The following ROBO2 variants were observed in gnomAD, a reference collection of about 807,000 sequenced individuals.
ROBO2 encodes the protein roundabout homolog 2.
ROBO2 carries 53 observed loss-of-function variants against 160.8 expected under a neutral mutation model. That is an observed-to-expected ratio of 0.33 (90% CI 0.26 to 0.41). The LOEUF (loss-of-function observed/expected upper bound fraction) is 0.41, where lower values mean the gene tolerates loss of function less well. Ranked by LOEUF, ROBO2 falls within the 10% of genes least tolerant of loss-of-function variation. The pLI is 1.00. For synonymous variants in ROBO2, 664 were observed against 611.7 expected (o/e 1.09, Z -1.26); for missense variants, 1,577 against 1,722.4 (o/e 0.92, Z 1.49).
chr3:77,193,540 T>C (rs531612956), intron 2 of ROBO2, among the ~76,000 whole-genome samples: 7 of 151,896 alleles, frequency 4.6e-5, no homozygotes, highest in Non-Finnish European at 1.0e-4. Flanking sequence ...CAGATAACTT[T>C]TGATGAATGT....
intron 2 of ROBO2, among the ~76,000 whole-genome samples, chr3:77,289,089 G>A (rs1157549789): frequency 9.2e-5 from 14 of 152,116 alleles, no homozygotes. Context: ...TCATATACAG[G>A]CACTTGATAT....
At chr3:75,947,403 G>T (rs989372660) in intron 2 of ROBO2, among the ~76,000 whole-genome samples, 63 of 152,022 alleles carry the variant, frequency 4.1e-4, no homozygotes, top group Non-Finnish European at 4.4e-5. Flanking sequence ...GCCTGTTTTT[G>T]TATGGCTCAT....
intron 21 of ROBO2, among the ~76,000 whole-genome samples, chr3:77,613,395 C>T (rs994419498): frequency 1.5e-4 from 23 of 151,874 alleles, no homozygotes; most frequent in African/African-American, 4.4e-4. Context: ...TCCTTGGCAA[C>T]GAACGAGTGT....
chr3:77,416,903 TG>T (rs2077278657), intron 2 of ROBO2, among the ~76,000 whole-genome samples: 1 of 152,120 alleles, frequency 6.6e-6, no homozygotes, highest in East Asian at 1.9e-4. Flanking sequence ...AGTTACATTT[TG>T]ATTTCATTTG....
intron 1 of ROBO2, among the ~76,000 whole-genome samples, chr3:77,052,292 A>G (rs574027527): frequency 9.9e-5 from 15 of 152,202 alleles, no homozygotes; most frequent in African/African-American, 3.6e-4. Flanking sequence ...TCTTTCAGCC[A>G]TTATCTATAA....
intron 2 of ROBO2, among the ~76,000 whole-genome samples, chr3:77,407,782 C>G (rs2076373278): frequency 6.6e-6 from 1 of 152,116 alleles, no homozygotes; most frequent in Admixed American, 6.5e-5. Context: ...TTAAAGTTGC[C>G]TTATTCATTT....
intron 2 of ROBO2, among the ~76,000 whole-genome samples, chr3:77,143,044 A>G (rs1258325117): frequency 6.6e-6 from 1 of 152,144 alleles, no homozygotes; most frequent in Admixed American, 6.6e-5. Context: ...CAGCAAATCC[A>G]GATTTGAATA....
intron 2 of ROBO2, among the ~76,000 whole-genome samples, chr3:76,873,714 C>T (rs898556012): frequency 1.3e-5 from 2 of 152,172 alleles, no homozygotes; most frequent in African/African-American, 4.8e-5. Context: ...TGCAGGCACT[C>T]TCTAACCTGC....
chr3:76,772,135 T>C (rs914700300), intron 2 of ROBO2, among the ~76,000 whole-genome samples: 1 of 151,290 alleles, frequency 6.6e-6, no homozygotes, highest in Admixed American at 6.6e-5. Flanking sequence ...CCCCACGGCA[T>C]GTGGGCTTTG....
At chr3:76,689,535 A>T in intron 2 of ROBO2, among the ~76,000 whole-genome samples, 1 of 152,232 alleles carries the variant, frequency 6.6e-6, no homozygotes. Context: ...ATTATTGTTA[A>T]TTATAATTTC....
chr3:76,890,075 C>T (rs960344271), intron 2 of ROBO2, among the ~76,000 whole-genome samples: 3 of 152,082 alleles, frequency 2.0e-5, no homozygotes, highest in African/African-American at 7.2e-5. Context: ...GAAGTCATTT[C>T]AGGATTCTGA....
At position 77,041,188 on chromosome 3, in the gene ROBO2, T is replaced by C. The variant is rs565897443; in HGVS notation, c.61+342T>C. ...GAGCCTAATACTATTGTGCCTGCTC[T>C]CTATTTGATGTTTGCTCTTGTGTCT... On this transcript the variant is annotated intron_variant, in intron 1 of 25. Transcript: ENST00000461745. Among the ~76,000 whole-genome samples the C allele has an allele frequency of 4.6e-5, 7 of 152,374 alleles. No homozygotes were observed. In the South Asian group the frequency reaches 1.4e-3, roughly 32 times the overall value.
chr3:76,576,701 C>CTTTTTTTTTTTTTTT (rs56404865), intron 2 of ROBO2, among the ~76,000 whole-genome samples: 1 of 62,392 alleles, frequency 1.6e-5, no homozygotes, highest in Non-Finnish European at 2.9e-5. Flanking sequence ...CATTTTCTTT[C>CTTTTTTTTTTTTTTT]TTTTTTTTTT....
chr3:77,283,412 C>G (rs1357917746), intron 2 of ROBO2, among the ~76,000 whole-genome samples: 1 of 152,052 alleles, frequency 6.6e-6, no homozygotes, highest in Non-Finnish European at 1.5e-5. Flanking sequence ...TTAAAAATAA[C>G]CTGGATTCTA....
chr3:76,056,564 G>A (rs1313540436), intron 2 of ROBO2, among the ~76,000 whole-genome samples: 2 of 151,816 alleles, frequency 1.3e-5, no homozygotes, highest in Non-Finnish European at 2.9e-5. Context: ...GTTTATAGAG[G>A]AGTTTACAAA....
chr3:76,103,058 C>T (rs2069767635), intron 2 of ROBO2, among the ~76,000 whole-genome samples: 1 of 151,938 alleles, frequency 6.6e-6, no homozygotes, highest in East Asian at 1.9e-4. Flanking sequence ...CTCCTGACCT[C>T]GTGATCCGCC....
At position 76,283,456 on chromosome 3, in the gene ROBO2, G is replaced by A. The variant is rs1708350952; in HGVS notation, c.109+345854G>A. 3.3e-5 allele frequency among the ~76,000 whole-genome samples: 5 copies of A among 151,772 alleles called. No individual in the cohort carries two copies. In the South Asian group the frequency reaches 1.0e-3, roughly 32 times the overall value. On this transcript the variant is annotated intron_variant, in intron 2 of 26. Transcript: ENST00000487694. ...TCTTAGGCCCTGGCAGCCTTTTGAT[G>A]TCTCAACCTCAATAAAAATCAAGCA...
intron 2 of ROBO2, among the ~76,000 whole-genome samples, chr3:76,028,613 C>A (rs1271511873): frequency 6.6e-6 from 1 of 151,602 alleles, no homozygotes; most frequent in Admixed American, 6.6e-5. Flanking sequence ...CAGGAAAATG[C>A]AATATAGAAA....
At chr3:77,292,257 C>G (rs76982490) in intron 2 of ROBO2, among the ~76,000 whole-genome samples, 1 of 131,650 alleles carries the variant, frequency 7.6e-6, no homozygotes. Flanking sequence ...AATTGACGGC[C>G]AAACGGGTAA....
Sources: gnomAD v4.1 joint callset for allele counts (sites outside exome capture counted in the v4.1 genomes callset) on GRCh38, gnomAD v4.1.1 for gene constraint, MANE v1.5 for transcripts, NCBI Gene and HGNC (gene_info 2026-07-23, HGNC 2026-07-21) for gene names.